Variants in PSMC2 observed in about 807,000 individuals in gnomAD.
The protein encoded by PSMC2 is proteasome 26S subunit, ATPase 2.
PSMC2 carries 7 observed loss-of-function variants against 53.3 expected under a neutral mutation model. The observed-to-expected ratio is 0.13, with a 90% CI of 0.07 to 0.25. The LOEUF (loss-of-function observed/expected upper bound fraction) is 0.25, where lower values mean the gene tolerates loss of function less well. PSMC2 is among the 10% of genes least tolerant of loss of function. The pLI is 1.00. For synonymous variants in PSMC2, 169 were observed against 183.9 expected (o/e 0.92, Z 0.66); for missense variants, 241 against 544.0 (o/e 0.44, Z 5.54).
At chr7:103,360,432 C>G (rs1003837188) in intron 4 of PSMC2, among the ~76,000 whole-genome samples, 1 of 152,042 alleles carries the variant, frequency 6.6e-6, no homozygotes, top group Admixed American at 6.6e-5. Flanking sequence ...AAAACAGAGT[C>G]CTTCACACAA....
At chr7:103,359,881 A>G (rs1820276533) in intron 4 of PSMC2, among the ~76,000 whole-genome samples, 1 of 152,090 alleles carries the variant, frequency 6.6e-6, no homozygotes, top group Non-Finnish European at 1.5e-5. Flanking sequence ...GGAGTTTGAG[A>G]TCAGCCTGGC....
At chr7:103,362,264 C>A in intron 5 of PSMC2, 176 bp downstream of exon 5, 1 of 1,414,662 alleles carries the variant, frequency 7.1e-7, no homozygotes, top group South Asian at 1.6e-5. Flanking sequence ...AACTTCCCAT[C>A]GGCTTCGCTG....
At chr7:103,355,632 G>A in intron 3 of PSMC2, 62 bp from the exon 4 acceptor site, 1 of 1,278,362 alleles carries the variant, frequency 7.8e-7, no homozygotes, top group Non-Finnish European at 1.1e-6. Flanking sequence ...CTGAGGTTTA[G>A]AAAGCTTATT....
chr7:103,348,545 T>A, intron 1 of PSMC2: 1 of 729,916 alleles, frequency 1.4e-6, no homozygotes, highest in Non-Finnish European at 2.5e-6. Flanking sequence ...TTTTTCCAAT[T>A]TGTTGCTGTT....
chr7:103,367,668 G>GTGA lies in PSMC2; in HGVS notation c.1048-43_1048-41dup, dbSNP rs1820784966. The GTGA allele has an allele frequency of 6.2e-7, 1 of 1,608,512 alleles. No individual in the cohort carries two copies. Among genetic ancestry groups the GTGA allele is most frequent in the Non-Finnish European group, 8.5e-7 (1 of 1,177,354 alleles). On this transcript the variant is annotated intron_variant, in intron 10 of 11. Coordinates refer to ENST00000292644, the MANE Select transcript of PSMC2 (RefSeq NM_002803.4). The surrounding 1 kb of genome is among the most constrained non-coding windows in gnomAD (Gnocchi z 6.1). ...GGGATTTTTGAAGTTTTTTCTTCCTGTGATTTTTTTCCATTTTAATATTTG... is the reference window on the plus strand; with the variant it reads ...GGGATTTTTGAAGTTTTTTCTTCCTGTGATGATTTTTTTCCATTTTAATATTTG...
intron 6 of PSMC2, 145 bp from the exon 7 acceptor site, chr7:103,363,199 C>G (rs1820514579): frequency 1.6e-6 from 1 of 616,662 alleles, no homozygotes; most frequent in Non-Finnish European, 2.8e-6. Context: ...GCAAGTAGTT[C>G]CAGGGCACTG....
chr7:103,362,364 TG>T, intron 5 of PSMC2: 1 of 1,349,234 alleles, frequency 7.4e-7, no homozygotes, highest in South Asian at 1.7e-5. Context: ...TGGTATAGGT[TG>T]GGGGAGTACT....
Position 103,360,332 on chromosome 7 carries a change from T to C in PSMC2, c.291-1625T>C, listed in dbSNP as rs989148707. ...GTATTATTGCTGTTTGTTGTTCTTG[T>C]TTTTCCTTTCAGGTTTTTTGGTCAG... On this transcript the variant is annotated intron_variant, in intron 4 of 11. Coordinates refer to ENST00000292644, the MANE Select transcript of PSMC2 (RefSeq NM_002803.4). Among the ~76,000 whole-genome samples the C allele has an allele frequency of 2.0e-5, 3 of 151,496 alleles. No homozygotes were observed. The East Asian group carries it at 5.8e-4, about 29-fold the overall frequency.
rs1283533935 is a variant in PSMC2 at position 103,367,696 on chromosome 7, A to C, written c.1048-17A>C. The C allele has an allele frequency of 6.2e-7, 1 of 1,608,608 alleles. No individual in the cohort carries two copies. Among genetic ancestry groups the C allele is most frequent in the Non-Finnish European group, 8.5e-7 (1 of 1,178,114 alleles). Reference sequence around the variant, plus strand: ...ATTTTTTTCCATTTTAATATTTGTCAATTTTCTCATTTTTAGGGTCGGACC... The same window carrying C: ...ATTTTTTTCCATTTTAATATTTGTCCATTTTCTCATTTTTAGGGTCGGACC... On this transcript the variant is annotated splice_polypyrimidine_tract_variant and intron_variant, in intron 10 of 11. Coordinates refer to ENST00000292644, the MANE Select transcript of PSMC2 (RefSeq NM_002803.4). This position sits in a 1 kb window ranked among gnomAD's most constrained non-coding sequence, Gnocchi z 6.1.
chr7:103,354,883 TCTAGG>T lies in PSMC2; in HGVS notation c.126_130del (p.Arg43AspfsTer5). 6.2e-7 allele frequency: 1 copy of T among 1,612,310 alleles called. No homozygotes were observed. Among genetic ancestry groups the T allele is most frequent in the Non-Finnish European group, 8.5e-7 (1 of 1,178,522 alleles). On this transcript the variant is annotated frameshift_variant, in exon 3 of 12. Transcript: ENST00000292644. LOFTEE classifies it high-confidence loss of function. Reference sequence around the variant, plus strand: ...CATCACCTAGGGTCAGAGCACTTACTCTAGGCAGATCAAGCAAGTTGAAGATGACA... The same window carrying T: ...CATCACCTAGGGTCAGAGCACTTACTCAGATCAAGCAAGTTGAAGATGACA...
chr7:103,367,829 T>A lies in PSMC2; in HGVS notation c.1144+20T>A. The stretch of plus-strand genomic sequence containing the variant: ...GCACTGGTAAGTAGAAAGTTCTTGC[T>A]TATATTTGCTGGTCTGTCTGCTCAG... On this transcript the variant is annotated intron_variant, in intron 11 of 11. Transcript: ENST00000292644. The surrounding 1 kb of genome is among the most constrained non-coding windows in gnomAD (Gnocchi z 6.1). The A allele has an allele frequency of 6.2e-7, 1 of 1,611,988 alleles. No individual in the cohort carries two copies. Among genetic ancestry groups the A allele is most frequent in the South Asian group, 1.1e-5 (1 of 90,636 alleles).
intron 5 of PSMC2, chr7:103,362,296 T>C: frequency 7.2e-7 from 1 of 1,394,688 alleles, no homozygotes; most frequent in Non-Finnish European, 9.2e-7. Flanking sequence ...CCCACTGTTG[T>C]TTATTATGAA....
At chr7:103,359,816 A>C (rs926246498) in intron 4 of PSMC2, among the ~76,000 whole-genome samples, 15 of 152,176 alleles carry the variant, frequency 9.9e-5, no homozygotes, top group Non-Finnish European at 2.9e-5. Flanking sequence ...GCAGTGGCTC[A>C]TGCCTGTAAT....
chr7:103,366,979 A>G (rs966522855), intron 9 of PSMC2, among the ~76,000 whole-genome samples: 5 of 152,012 alleles, frequency 3.3e-5, no homozygotes, highest in Admixed American at 6.6e-5. Flanking sequence ...TAATTTTTGT[A>G]TTTTTAGTAG....
chr7:103,362,799 T>A, intron 6 of PSMC2, 41 bp downstream of exon 6: 1 of 1,325,750 alleles, frequency 7.5e-7, no homozygotes, highest in Non-Finnish European at 1.0e-6. Context: ...TATGTCTTTT[T>A]TTTTTTTTTT....
chr7:103,367,559 C>T lies in PSMC2; in HGVS notation c.991C>T (p.Leu331=). The change falls in exon 10 of 12, where the codon CTG becomes TTG. Residue 331 remains leucine, a synonymous_variant. Coordinates refer to ENST00000292644, the MANE Select transcript of PSMC2 (RefSeq NM_002803.4). This position sits in a 1 kb window ranked among gnomAD's most constrained non-coding sequence, Gnocchi z 6.1. ...TNRPDTLDPA[L]MRPGRLDRKI... ...CAGACCTGATACTTTGGATCCAGCA[C>T]TGATGAGGCCAGGGAGATTGGATAG... 1.9e-6 allele frequency: 3 copies of T among 1,614,124 alleles called. No individual in the cohort carries two copies. Among genetic ancestry groups the T allele is most frequent in the Non-Finnish European group, 1.7e-6 (2 of 1,180,034 alleles).
rs1427917535 is a variant in PSMC2, at chr7:103,367,601, T to C, written c.1033T>C (p.Leu345=). The C allele has an allele frequency of 6.2e-7, 1 of 1,614,134 alleles. No homozygotes were observed. Among genetic ancestry groups the C allele is most frequent in the Admixed American group, 1.7e-5 (1 of 60,016 alleles). ...ATTGGATAGAAAAATTGAATTTAGC[T>C]TGCCCGATCTAGAGGTAAGAAAACC... is the stretch of plus-strand genomic sequence containing the variant. The part of the protein sequence containing the change: ...GRLDRKIEFS[L]PDLEGRTHIF... Residue 345 remains leucine, a synonymous_variant, in exon 10 of 12, where the codon TTG becomes CTG. Transcript: ENST00000292644. The surrounding 1 kb of genome is among the most constrained non-coding windows in gnomAD (Gnocchi z 6.1).
chr7:103,355,598 A>T, intron 3 of PSMC2, 96 bp from the exon 4 acceptor site: 2 of 899,520 alleles, frequency 2.2e-6, no homozygotes, highest in Non-Finnish European at 3.6e-6. Flanking sequence ...ACAATGAATG[A>T]TTCAGTGCAA....
chr7:103,362,427 A>T, intron 5 of PSMC2: 2 of 1,356,174 alleles, frequency 1.5e-6, no homozygotes, highest in Non-Finnish European at 1.9e-6. Context: ...AGAATACATA[A>T]CAACTCACTT....
Sources: allele counts gnomAD v4.1 joint callset (sites outside exome capture counted in the v4.1 genomes callset), GRCh38; gene constraint gnomAD v4.1.1; non-coding constraint Gnocchi (gnomAD v3.1); transcripts MANE v1.5; gene names NCBI Gene and HGNC (gene_info 2026-07-23, HGNC 2026-07-21).